MYT1L: variants seen among roughly 807,000 people sequenced by gnomAD.
The protein encoded by MYT1L is myelin transcription factor 1 like, also known as myelin transcription factor 1-like protein.
In MYT1L, 12 loss-of-function variants were observed where a neutral mutation model predicts 126.7. The ratio of observed to expected loss-of-function variants is 0.09; its 90% CI spans 0.06 to 0.15. MYT1L has a LOEUF of 0.15. MYT1L is among the 10% of genes least tolerant of loss of function. MYT1L has a pLI of 1.00. For synonymous variants in MYT1L, 541 were observed against 604.2 expected (o/e 0.90, Z 1.53); for missense variants, 979 against 1,585.2 (o/e 0.62, Z 6.49).
intron 4 of MYT1L, among the ~76,000 whole-genome samples, chr2:2,006,091 C>A (rs1432140903): frequency 2.0e-5 from 3 of 152,140 alleles, no homozygotes; most frequent in Admixed American, 6.5e-5. Flanking sequence ...TGCATGCCTT[C>A]TTTCCTGCAT....
chr2:2,316,140 C>A (rs191688287), intron 1 of MYT1L, among the ~76,000 whole-genome samples: 19 of 152,270 alleles, frequency 1.2e-4, no homozygotes, highest in Admixed American at 4.6e-4. Flanking sequence ...GGAGAGAGAC[C>A]ACTGCCCAAC....
chr2:1,823,817 C>A, intron 21 of MYT1L, among the ~76,000 whole-genome samples: 1 of 152,348 alleles, frequency 6.6e-6, no homozygotes, highest in South Asian at 2.1e-4. Context: ...TGGCGGCCCT[C>A]GTCCCGTGTG....
chr2:2,287,345 A>G (rs1031015973), intron 1 of MYT1L, among the ~76,000 whole-genome samples: 3 of 130,960 alleles, frequency 2.3e-5, no homozygotes, highest in Admixed American at 7.1e-5. Flanking sequence ...TAAGTGTTGA[A>G]AAAAATTGAC....
intron 2 of MYT1L, among the ~76,000 whole-genome samples, chr2:2,221,852 G>A (rs955071776): frequency 6.6e-6 from 1 of 152,220 alleles, no homozygotes; most frequent in Admixed American, 6.5e-5. Context: ...AAGGAGCAGA[G>A]ATCTACAGAC....
intron 19 of MYT1L, 57 bp from the exon 20 acceptor site, chr2:1,840,900 CTTTCTTTTTTT>C (rs1285365262): frequency 3.9e-6 from 3 of 759,584 alleles, no homozygotes; most frequent in African/African-American, 2.7e-5. Context: ...AGTGAGCTTT[CTTTCTTTTTTT>C]TTTTTTTTTT....
intron 3 of MYT1L, among the ~76,000 whole-genome samples, chr2:2,153,333 G>A (rs1201561156): frequency 6.6e-6 from 1 of 152,220 alleles, no homozygotes; most frequent in Non-Finnish European, 1.5e-5. Context: ...AAGCTCAGGT[G>A]CTGCATTTGA....
rs1374229981 is a variant in MYT1L, at chr2:2,130,758, T to G, written c.-304+42114A>C. Among the ~76,000 whole-genome samples, 4 of 152,308 alleles carry G rather than the reference T, an allele frequency of 2.6e-5. No individual in the cohort carries two copies. The East Asian group carries it at 7.7e-4, about 29-fold the overall frequency. On this transcript the variant is annotated intron_variant, in intron 3 of 24. Transcript: ENST00000647738. ...CAACATAGATGCTTTTGTGAGTGGATACAAGTGAACATGAACCTTTGGATA... is the reference window on the plus strand; with the variant it reads ...CAACATAGATGCTTTTGTGAGTGGAGACAAGTGAACATGAACCTTTGGATA...
intron 2 of MYT1L, among the ~76,000 whole-genome samples, chr2:2,219,866 T>C (rs2093804846): frequency 6.6e-6 from 1 of 152,134 alleles, no homozygotes; most frequent in Admixed American, 6.5e-5. Context: ...CTGCAGAAAG[T>C]AAAAACGGCC....
intron 2 of MYT1L, among the ~76,000 whole-genome samples, chr2:2,181,540 T>C (rs1185028321): frequency 1.3e-5 from 2 of 150,534 alleles, no homozygotes; most frequent in Non-Finnish European, 2.9e-5. Context: ...AAATGTGCTA[T>C]GAGTTTAACT....
intron 4 of MYT1L, among the ~76,000 whole-genome samples, chr2:2,031,910 G>A (rs115096828): frequency 0.011 from 1,210 of 113,672 alleles, 69 homozygotes; most frequent in African/African-American, 0.042. Flanking sequence ...ACACACCCTC[G>A]CCAGTGCCTC....
At chr2:1,994,189 G>T (rs1164633951) in intron 5 of MYT1L, among the ~76,000 whole-genome samples, 1 of 152,198 alleles carries the variant, frequency 6.6e-6, no homozygotes, top group African/African-American at 2.4e-5. Context: ...ACTAAGCCTT[G>T]CATTTTGGGG....
intron 8 of MYT1L, among the ~76,000 whole-genome samples, chr2:1,956,574 T>TTCTATCTA (rs72311419): frequency 0.024 from 2,415 of 101,528 alleles, 47 homozygotes; most frequent in Non-Finnish European, 0.029. Flanking sequence ...ATATTTCCTA[T>TTCTATCTA]TCTATCTATC....
chr2:2,097,238 T>C (rs889090529), intron 3 of MYT1L, among the ~76,000 whole-genome samples: 1 of 152,172 alleles, frequency 6.6e-6, no homozygotes, highest in African/African-American at 2.4e-5. Flanking sequence ...TGATTCCTGC[T>C]TTGCTACACG....
chr2:2,092,971 G>T (rs1017945638), intron 3 of MYT1L, among the ~76,000 whole-genome samples: 1 of 152,220 alleles, frequency 6.6e-6, no homozygotes, highest in African/African-American at 2.4e-5. Context: ...ACATGGGTGT[G>T]TGTGTAACTT....
At chr2:2,299,218 G>C (rs778347614) in intron 1 of MYT1L, among the ~76,000 whole-genome samples, 5 of 152,192 alleles carry the variant, frequency 3.3e-5, no homozygotes, top group Non-Finnish European at 4.4e-5. Flanking sequence ...TTCCTCTCCA[G>C]GGACTTGGCA....
rs1411473085 is a variant in MYT1L at position 1,889,174 on chromosome 2, TTTTC to T, written c.2520+63_2520+66del. ...TTCTCATAACGTATGTGCAAATGGC[TTTTC>T]TTTCAGCTGGGGCCCCATTTTTAAG... On this transcript the variant is annotated intron_variant, in intron 16 of 24. Transcript: ENST00000647738. This position sits in a 1 kb window ranked among gnomAD's most constrained non-coding sequence, Gnocchi z 4.1. The T allele has an allele frequency of 7.8e-7, 1 of 1,282,130 alleles. No individual in the cohort carries two copies. The highest frequency in any genetic ancestry group is 1.5e-5 in the African/African-American group (1 of 67,438). The allele number at this position is 1,282,130 out of a possible 1,614,324, so 79.4% of individuals were successfully genotyped here.
intron 1 of MYT1L, chr2:2,303,641 A>G (rs2095818039): frequency 6.6e-6 from 1 of 152,386 alleles, no homozygotes; most frequent in African/African-American, 2.4e-5. Context: ...CACTGGATAG[A>G]GCACACATCT....
At chr2:2,200,571 C>A (rs572778966) in intron 2 of MYT1L, among the ~76,000 whole-genome samples, 1 of 152,192 alleles carries the variant, frequency 6.6e-6, no homozygotes, top group Non-Finnish European at 1.5e-5. Flanking sequence ...ATCCCCTCTG[C>A]AAAATCCCTG....
intron 2 of MYT1L, among the ~76,000 whole-genome samples, chr2:2,244,674 G>A (rs1156382553): frequency 6.6e-6 from 1 of 152,192 alleles, no homozygotes. Flanking sequence ...CAGCTCAGAG[G>A]GCAGGTGTGG....
Sources: gnomAD v4.1 joint callset for allele counts (sites outside exome capture counted in the v4.1 genomes callset) on GRCh38, gnomAD v4.1.1 for gene constraint, Gnocchi (gnomAD v3.1) non-coding constraint, MANE v1.5 for transcripts, NCBI Gene and HGNC (gene_info 2026-07-23, HGNC 2026-07-21) for gene names.